The following SPTB variants were observed in gnomAD, a reference collection of about 807,000 sequenced individuals.
SPTB encodes the protein spectrin beta chain, erythrocytic.
SPTB carries 45 observed loss-of-function variants against 256.2 expected under a neutral mutation model. That is an observed-to-expected ratio of 0.18 (90% CI 0.14 to 0.23). The LOEUF (loss-of-function observed/expected upper bound fraction) is 0.23, where lower values mean the gene tolerates loss of function less well. SPTB is among the 10% of genes least tolerant of loss of function. The pLI is 1.00. For synonymous variants in SPTB, 1,231 were observed against 1,243.1 expected, an observed-to-expected ratio of 0.99 and a Z score of 0.21; for missense variants, 2,715 against 3,040.4, an observed-to-expected ratio of 0.89 and a Z score of 2.52.
rs933667557 is a variant in SPTB, at chr14:64,771,139, G to A, written c.5554-10C>T. ...CCTGGAACTGCTGCACCTGTGGTCA[G>A]GCAAAATCAGACATTGTTCCCTGGA... On this transcript the variant is annotated splice_polypyrimidine_tract_variant and intron_variant, in intron 26 of 35. Coordinates refer to ENST00000644917, the MANE Select transcript of SPTB (RefSeq NM_001355436.2). The A allele has an allele frequency of 1.2e-6, 2 of 1,613,044 alleles. No homozygotes were observed. Among genetic ancestry groups the A allele is most frequent in the Non-Finnish European group, 1.7e-6 (2 of 1,180,014 alleles).
intron 30 of SPTB, 60 bp from the exon 31 acceptor site, chr14:64,767,412 C>T (rs767672451): frequency 5.5e-5 from 89 of 1,607,226 alleles, no homozygotes; most frequent in Non-Finnish European, 7.1e-5. Flanking sequence ...TGTTCTCAGA[C>T]GATCTCCCTC....
Position 64,801,733 on chromosome 14 carries a change from C to T in SPTB, c.647+21G>A, listed in dbSNP as rs72724501. On this transcript the variant is annotated intron_variant, in intron 6 of 35. Transcript: ENST00000644917. ...GGGAGGCTGTCTCAGTCAGTCCCCA[C>T]GGCTGTCCCCTCCCTCTTACCGGTG... 29,897 of 1,610,816 alleles carry T rather than the reference C, an allele frequency of 0.019. 326 individuals are homozygous for T. The highest frequency in any genetic ancestry group is 0.023 in the Non-Finnish European group (26,844 of 1,177,110).
rs1417633926 is a variant in SPTB at position 64,784,857 on chromosome 14, CAAG to C, written c.3856-467_3856-465del. 6.6e-5 allele frequency among the ~76,000 whole-genome samples: 10 copies of C among 152,298 alleles called. No homozygotes were observed. The East Asian group carries it at 1.9e-3, about 29-fold the overall frequency. Reference sequence around the variant, plus strand: ...CTGGGCTGAGAGAAAAGGAGTATGACAAGAAAGAAGTCAGGGAAAACCCCATTC... The same window carrying C: ...CTGGGCTGAGAGAAAAGGAGTATGACAAAGAAGTCAGGGAAAACCCCATTC... On this transcript the variant is annotated intron_variant, in intron 18 of 35. Transcript: ENST00000644917.
intron 1 of SPTB, among the ~76,000 whole-genome samples, chr14:64,837,176 A>C (rs1433867844): frequency 6.6e-6 from 1 of 152,174 alleles, no homozygotes; most frequent in Non-Finnish European, 1.5e-5. Context: ...TGAAGCCCAG[A>C]TTTCCTGTCT....
intron 20 of SPTB, among the ~76,000 whole-genome samples, 181 bp downstream of exon 20, chr14:64,782,109 G>A (rs1227136375): frequency 6.6e-6 from 1 of 152,140 alleles, no homozygotes; most frequent in Non-Finnish European, 1.5e-5. Flanking sequence ...TAACTATTGG[G>A]TATTGAGCTT....
intron 1 of SPTB, among the ~76,000 whole-genome samples, chr14:64,872,132 C>T (rs982419927): frequency 6.6e-6 from 1 of 151,878 alleles, no homozygotes; most frequent in Non-Finnish European, 1.5e-5. Context: ...GTCAACACCT[C>T]GACAAAAACA....
At chr14:64,798,773 A>G (rs1312739187) in intron 9 of SPTB, among the ~76,000 whole-genome samples, 1 of 152,260 alleles carries the variant, frequency 6.6e-6, no homozygotes, top group Non-Finnish European at 1.5e-5. Context: ...TGTTTATAGT[A>G]TATCCTAGAC....
intron 15 of SPTB, among the ~76,000 whole-genome samples, chr14:64,791,121 T>C (rs1331506383): frequency 2.6e-5 from 4 of 152,080 alleles, no homozygotes; most frequent in Non-Finnish European, 4.4e-5. Context: ...GGATGTGCCC[T>C]CCATCACACA....
chr14:64,867,746 C>T (rs1001716363), intron 1 of SPTB, among the ~76,000 whole-genome samples: 5 of 151,246 alleles, frequency 3.3e-5, no homozygotes, highest in African/African-American at 1.2e-4. Flanking sequence ...CCCAGCCACT[C>T]GGGAGGCTGA....
At chr14:64,870,550 C>T (rs192677489) in intron 1 of SPTB, among the ~76,000 whole-genome samples, 17 of 152,326 alleles carry the variant, frequency 1.1e-4, no homozygotes, top group African/African-American at 2.9e-4. Context: ...AAAACAGGCA[C>T]ACTAATAAAT....
rs756538530 is a variant in SPTB, at chr14:64,801,419, T to A, written c.648-19A>T. 1.3e-6 allele frequency: 2 copies of A among 1,586,650 alleles called. No individual in the cohort carries two copies. The highest frequency in any genetic ancestry group is 1.7e-6 in the Non-Finnish European group (2 of 1,155,354). Reference sequence around the variant, plus strand: ...GTCGGGCCTGGGGACAAAACTGGACTGTGAAAAGGGAGTAGCCACAGCATC... The same window carrying A: ...GTCGGGCCTGGGGACAAAACTGGACAGTGAAAAGGGAGTAGCCACAGCATC... On this transcript the variant is annotated intron_variant, in intron 6 of 35. Transcript: ENST00000644917.
At position 64,793,413 on chromosome 14, in the gene SPTB, G is replaced by A. The variant is rs200908449; in HGVS notation, c.2250C>T (p.Gly750=). 224 of 1,613,540 alleles carry A rather than the reference G, an allele frequency of 1.4e-4. No homozygotes were observed. Among genetic ancestry groups the A allele is most frequent in the Non-Finnish European group, 1.5e-4 (179 of 1,180,022 alleles). Residue 750 remains glycine (G), a synonymous_variant, in exon 14 of 36, where the codon GGC becomes GGT. Coordinates refer to ENST00000644917, the MANE Select transcript of SPTB (RefSeq NM_001355436.2). This position sits in a 1 kb window ranked among gnomAD's most constrained non-coding sequence, Gnocchi z 7.0. ...GCCAAGCCTTCAGGTCATCCGCATC[G>A]CCCTGGAACTGGAAAAAGTTCTCAG... The part of the protein sequence containing the change: ...QDAENFFQFQ[G]DADDLKAWLQ...
Position 64,779,109 on chromosome 14 carries a change from G to A in SPTB, c.4563+48C>T, listed in dbSNP as rs201868722. 4.0e-4 allele frequency: 605 copies of A among 1,516,710 alleles called. 1 individual carries two copies. The highest frequency in any genetic ancestry group is 3.4e-3 in the Middle Eastern group (16 of 4,768). The allele number at this position is 1,516,710 out of a possible 1,614,324, so 94.0% of individuals were successfully genotyped here. On this transcript the variant is annotated intron_variant, in intron 22 of 35. Transcript: ENST00000644917. This position sits in a 1 kb window ranked among gnomAD's most constrained non-coding sequence, Gnocchi z 4.2. ...TGGGCCTACCCCCGTGGGGCCAGGT[G>A]GGGGTGAGGAGGGGTGGGTGGGGCT...
chr14:64,801,756 G>A lies in SPTB; in HGVS notation c.645C>T (p.His215=). 6.2e-7 allele frequency: 1 copy of A among 1,614,078 alleles called. No homozygotes were observed. The highest frequency in any genetic ancestry group is 8.5e-7 in the Non-Finnish European group (1 of 1,179,976). ...CACGGCTGTCCCCTCCCTCTTACCGGTGCTTGTGTATCAGGGCATTAAAGG... is the reference window on the plus strand; with the variant it reads ...CACGGCTGTCCCCTCCCTCTTACCGATGCTTGTGTATCAGGGCATTAAAGG... The part of the protein sequence containing the change: ...GLAFNALIHK[H]RPDLIDFDKL... The change falls in exon 6 of 36, where the codon CAC becomes CAT. Residue 215 remains histidine, a splice_region_variant and synonymous_variant. Coordinates refer to ENST00000644917, the MANE Select transcript of SPTB (RefSeq NM_001355436.2).
intron 23 of SPTB, 95 bp from the exon 24 acceptor site, chr14:64,774,622 G>A: frequency 6.5e-7 from 1 of 1,531,026 alleles, no homozygotes; most frequent in Non-Finnish European, 8.8e-7. Context: ...GCCCGAGGGA[G>A]GAGGGGAGTA....
Position 64,793,943 on chromosome 14 carries a change from G to T in SPTB, c.1796-76C>A. 1.3e-6 allele frequency: 2 copies of T among 1,486,598 alleles called. No individual in the cohort carries two copies. Among genetic ancestry groups the T allele is most frequent in the South Asian group, 2.6e-5 (2 of 76,438 alleles). 92.1% of individuals were successfully genotyped at this position (1,486,598 alleles called of 1,614,324 possible). A position where few individuals can be genotyped will look rare whatever the true frequency, so the allele number is the denominator to read the frequency against. ...TGGGCACGCTTCAGATAAGCTGCTA[G>T]GTTGGAACTACACAACCCTGAAGCT... On this transcript the variant is annotated intron_variant, in intron 13 of 35. Transcript: ENST00000644917. This position sits in a 1 kb window ranked among gnomAD's most constrained non-coding sequence, Gnocchi z 7.0.
chr14:64,801,927 A>C (rs2082893832), intron 5 of SPTB, 93 bp from the exon 6 acceptor site: 5 of 1,262,012 alleles, frequency 4.0e-6, no homozygotes, highest in East Asian at 4.6e-5. Context: ...CAGGAGAGAA[A>C]TGGAACTGTC....
chr14:64,746,575 C>G lies in SPTB; in HGVS notation c.*2731G>C, dbSNP rs2081844372. On this transcript the variant is annotated 3_prime_UTR_variant, in exon 36 of 36. Transcript: ENST00000644917. This position sits in a 1 kb window ranked among gnomAD's most constrained non-coding sequence, Gnocchi z 4.9. Reference sequence around the variant, plus strand: ...GGATTCAGGGTCAGCCTAGGGGACCCTGGCTCCCTCCGATAGGCAGGAAGG... The same window carrying G: ...GGATTCAGGGTCAGCCTAGGGGACCGTGGCTCCCTCCGATAGGCAGGAAGG... The G allele has an allele frequency of 6.6e-6, 1 of 152,468 alleles. No homozygotes were observed. Among genetic ancestry groups the G allele is most frequent in the Non-Finnish European group, 1.5e-5 (1 of 68,038 alleles). 9.4% of individuals were successfully genotyped at this position (152,468 alleles called of 1,614,324 possible).
At chr14:64,819,816 C>T (rs950884184) in intron 2 of SPTB, among the ~76,000 whole-genome samples, 1 of 152,152 alleles carries the variant, frequency 6.6e-6, no homozygotes, top group Non-Finnish European at 1.5e-5. Context: ...CAGAAAACAC[C>T]GATGGGAAAT....
Sources: allele counts gnomAD v4.1 joint callset (sites outside exome capture counted in the v4.1 genomes callset), GRCh38; gene constraint gnomAD v4.1.1; non-coding constraint Gnocchi (gnomAD v3.1); transcripts MANE v1.5; gene names NCBI Gene and HGNC (gene_info 2026-07-23, HGNC 2026-07-21).